The following TPST1 variants were observed in gnomAD, a reference collection of about 807,000 sequenced individuals.
TPST1 encodes the protein tyrosylprotein sulfotransferase 1.
A neutral mutation model predicts 34.8 loss-of-function variants in TPST1; 20 were observed. That is an observed-to-expected ratio of 0.57 (90% confidence interval 0.40 to 0.84). The LOEUF (loss-of-function observed/expected upper bound fraction) is 0.84. TPST1 is among the 40% of genes least tolerant of loss of function. The probability of loss-of-function intolerance (pLI) is 0.00; values close to 1 mark genes in which losing one functional copy is unlikely to be tolerated. For missense variants in TPST1, 353 were observed against 455.5 expected (o/e 0.78, Z 2.05); for synonymous variants, 152 against 159.4 (o/e 0.95, Z 0.35).
At chr7:66,353,384 G>A (rs994940749) in intron 4 of TPST1, among the ~76,000 whole-genome samples, 9 of 152,106 alleles carry the variant, frequency 5.9e-5, no homozygotes, top group African/African-American at 2.2e-4. Flanking sequence ...CAGGAGGATC[G>A]CTTGAGCCCA....
At chr7:66,309,236 G>A (rs1402464764) in intron 3 of TPST1, among the ~76,000 whole-genome samples, 2 of 152,268 alleles carry the variant, frequency 1.3e-5, no homozygotes, top group East Asian at 3.9e-4. Flanking sequence ...AGGAGGTTCT[G>A]GCATCTAAGC....
intron 1 of TPST1, among the ~76,000 whole-genome samples, chr7:66,237,655 A>G (rs1319081953): frequency 1.3e-5 from 2 of 151,978 alleles, no homozygotes; most frequent in Non-Finnish European, 2.9e-5. Flanking sequence ...CTGCTTTGCT[A>G]GTGGGTTGGA....
In TPST1 at chr7:66,236,521, T is replaced by C. The variant is rs149142197; in HGVS notation, c.-101-3804T>C. Among the ~76,000 whole-genome samples, 242 of 152,300 alleles carry C rather than the reference T, an allele frequency of 1.6e-3. 1 individual carries two copies. The highest frequency in any genetic ancestry group is 6.8e-3 in the Middle Eastern group (2 of 294). ...TAAGTATATATACTTAATGTATATA[T>C]ACTGCCTTTGCTTTGAGCTGTCCCA... On this transcript the variant is annotated intron_variant, in intron 1 of 5. Coordinates refer to ENST00000304842, the MANE Select transcript of TPST1 (RefSeq NM_003596.4).
intron 1 of TPST1, among the ~76,000 whole-genome samples, chr7:66,223,479 A>AT (rs1453165511): frequency 6.6e-6 from 1 of 151,628 alleles, no homozygotes; most frequent in East Asian, 1.9e-4. Context: ...AAAAAAAAAA[A>AT]AAAGTTACAA....
At chr7:66,300,056 A>G (rs149605068) in intron 3 of TPST1, among the ~76,000 whole-genome samples, 12 of 152,284 alleles carry the variant, frequency 7.9e-5, no homozygotes, top group African/African-American at 2.6e-4. Context: ...TTAATTTAAA[A>G]TACTTTATTG....
At chr7:66,227,887 G>A (rs190716338) in intron 1 of TPST1, among the ~76,000 whole-genome samples, 3 of 152,228 alleles carry the variant, frequency 2.0e-5, no homozygotes, top group African/African-American at 7.2e-5. Flanking sequence ...AAAGATGTTT[G>A]TAAATACAAG....
chr7:66,290,472 T>C (rs1481414652), intron 3 of TPST1, among the ~76,000 whole-genome samples: 2 of 5,456 alleles, frequency 3.7e-4, no homozygotes, highest in East Asian at 3.5e-3. Context: ...AAGTCTTCCA[T>C]TATTAATGTG....
At chr7:66,242,855 G>T (rs965483260) in intron 2 of TPST1, among the ~76,000 whole-genome samples, 18 of 152,142 alleles carry the variant, frequency 1.2e-4, no homozygotes, top group African/African-American at 4.3e-4. Context: ...AAAATTCATA[G>T]AAATTATATT....
chr7:66,233,394 G>A (rs1016608596), intron 1 of TPST1, among the ~76,000 whole-genome samples: 1 of 152,126 alleles, frequency 6.6e-6, no homozygotes, highest in South Asian at 2.1e-4. Context: ...CATATGGTAG[G>A]TATCCAACTT....
chr7:66,307,994 C>A (rs1477618214), intron 3 of TPST1, among the ~76,000 whole-genome samples: 2 of 152,224 alleles, frequency 1.3e-5, no homozygotes, highest in African/African-American at 4.8e-5. Flanking sequence ...CCACAAGTTT[C>A]CCAACCTTAT....
chr7:66,208,061 A>G lies in TPST1; in HGVS notation c.-102+2539A>G, dbSNP rs545926326. ...ACCTCTGGGTCCTGTAGTCTACTTA[A>G]TCCTCCACGTTGCTGCTGGAATTGG... is the stretch of plus-strand genomic sequence containing the variant. On this transcript the variant is annotated intron_variant, in intron 1 of 5. Coordinates refer to ENST00000304842, the MANE Select transcript of TPST1 (RefSeq NM_003596.4). Among the ~76,000 whole-genome samples the G allele has an allele frequency of 6.6e-5, 10 of 151,922 alleles. No individual in the cohort carries two copies. The South Asian group carries it at 1.9e-3, about 28-fold the overall frequency.
chr7:66,206,273 A>G (rs906684622), intron 1 of TPST1, among the ~76,000 whole-genome samples: 1 of 151,898 alleles, frequency 6.6e-6, no homozygotes, highest in East Asian at 1.9e-4. Flanking sequence ...CCATAGTGTA[A>G]TATCTTCATT....
intron 3 of TPST1, among the ~76,000 whole-genome samples, chr7:66,308,314 C>T (rs1791463341): frequency 6.6e-6 from 1 of 152,168 alleles, no homozygotes; most frequent in African/African-American, 2.4e-5. Flanking sequence ...CCTGCCATAC[C>T]TCCACACATC....
intron 3 of TPST1, among the ~76,000 whole-genome samples, chr7:66,339,487 A>G (rs1049517856): frequency 6.6e-6 from 1 of 152,136 alleles, no homozygotes; most frequent in Non-Finnish European, 1.5e-5. Context: ...AAGAGAAGGG[A>G]TTACTTCCCA....
rs1458087475 is a variant in TPST1, at chr7:66,241,342, T to C, written c.845+72T>C. The stretch of plus-strand genomic sequence containing the variant: ...AATGATCTATACATATGTATGTATG[T>C]GTTTTATGTATATATGTGTGTATGT... On this transcript the variant is annotated intron_variant, in intron 2 of 5. Coordinates refer to ENST00000304842, the MANE Select transcript of TPST1 (RefSeq NM_003596.4). 3 of 1,500,216 alleles carry C rather than the reference T, an allele frequency of 2.0e-6. No homozygotes were observed. The African/African-American group carries it at 4.2e-5, about 21-fold the overall frequency. 92.9% of individuals were successfully genotyped at this position (1,500,216 alleles called of 1,614,324 possible). A position where few individuals can be genotyped will look rare whatever the true frequency, so the allele number is the denominator to read the frequency against.
intron 1 of TPST1, among the ~76,000 whole-genome samples, chr7:66,209,355 G>T (rs1789198037): frequency 1.3e-5 from 2 of 152,202 alleles, no homozygotes; most frequent in African/African-American, 4.8e-5. Context: ...TGAGCAATGA[G>T]GCTGGGAAGG....
At chr7:66,301,956 A>C (rs1364770972) in intron 3 of TPST1, among the ~76,000 whole-genome samples, 1 of 152,254 alleles carries the variant, frequency 6.6e-6, no homozygotes, top group Non-Finnish European at 1.5e-5. Flanking sequence ...TCAATTTGTA[A>C]AAAACACAAC....
intron 1 of TPST1, among the ~76,000 whole-genome samples, chr7:66,227,844 T>C (rs924288028): frequency 6.6e-6 from 1 of 152,162 alleles, no homozygotes; most frequent in Non-Finnish European, 1.5e-5. Flanking sequence ...CAATTCCTCT[T>C]CTAAAATTTA....
At chr7:66,325,713 G>A (rs1432931143) in intron 3 of TPST1, among the ~76,000 whole-genome samples, 2 of 151,980 alleles carry the variant, frequency 1.3e-5, no homozygotes, top group Admixed American at 6.6e-5. Context: ...TTGGCTTACC[G>A]CAACCTGTGC....
Sources: gnomAD v4.1 joint callset for allele counts (sites outside exome capture counted in the v4.1 genomes callset) on GRCh38, gnomAD v4.1.1 for gene constraint, MANE v1.5 for transcripts, NCBI Gene and HGNC (gene_info 2026-07-23, HGNC 2026-07-21) for gene names.